LRP1B: variants seen among roughly 807,000 people sequenced by gnomAD.
LRP1B encodes LDL receptor related protein 1B.
LRP1B carries 217 observed loss-of-function variants against 556.6 expected under a neutral mutation model. The observed-to-expected ratio is 0.39, with a 90% CI of 0.35 to 0.44. LRP1B has a LOEUF of 0.44. Ranked by LOEUF, LRP1B falls within the 20% of genes least tolerant of loss-of-function variation. The probability of loss-of-function intolerance (pLI) is 1.00; values close to 1 mark genes in which losing one functional copy is unlikely to be tolerated. For missense variants in LRP1B, 5,053 were observed against 5,620.8 expected (o/e 0.90, Z 3.23); for synonymous variants, 2,047 against 1,865.8 (o/e 1.10, Z -2.50).
chr2:141,553,743 TAAA>T, intron 2 of LRP1B, among the ~76,000 whole-genome samples: 1 of 138,390 alleles, frequency 7.2e-6, no homozygotes, highest in African/African-American at 2.7e-5. Flanking sequence ...ATATTATATA[TAAA>T]ATATATAATA....
chr2:141,705,564 A>G (rs1193193124), intron 2 of LRP1B, among the ~76,000 whole-genome samples: 1 of 152,034 alleles, frequency 6.6e-6, no homozygotes, highest in Non-Finnish European at 1.5e-5. Context: ...TGTAAACATT[A>G]TTCTACGAAT....
In LRP1B at chr2:140,465,735, GA is replaced by G. The variant is rs543171568; in HGVS notation, c.9626-8085del. Among the ~76,000 whole-genome samples, 510 of 143,446 alleles carry G rather than the reference GA, an allele frequency of 3.6e-3. 3 individuals are homozygous for G. The highest frequency in any genetic ancestry group is 0.022 in the Middle Eastern group (6 of 276). 94.1% of individuals were successfully genotyped at this position (143,446 alleles called of 152,430 possible). A position where few individuals can be genotyped will look rare whatever the true frequency, so the allele number is the denominator to read the frequency against. On this transcript the variant is annotated intron_variant, in intron 60 of 90. Transcript: ENST00000389484. ...ATGACATTTGCAAAAAAAAAAAAAA[GA>G]AAAAAACTCCCTAAACATATATGCA... is the stretch of plus-strand genomic sequence containing the variant.
intron 2 of LRP1B, among the ~76,000 whole-genome samples, chr2:141,806,565 AGTCAACC>A (rs1264118225): frequency 6.6e-6 from 1 of 152,024 alleles, no homozygotes; most frequent in Admixed American, 6.6e-5. Context: ...CTTATTTGTA[AGTCAACC>A]TCACACAACA....
intron 1 of LRP1B, among the ~76,000 whole-genome samples, chr2:141,980,592 T>G (rs1264958871): frequency 6.6e-6 from 1 of 152,092 alleles, no homozygotes; most frequent in Non-Finnish European, 1.5e-5. Flanking sequence ...AAATGGGAAT[T>G]ATGAAATTCA....
chr2:140,892,655 T>C (rs72990118), intron 23 of LRP1B, among the ~76,000 whole-genome samples: 3,228 of 152,208 alleles, frequency 0.021, 111 homozygotes, highest in African/African-American at 0.073. Flanking sequence ...GTACATTCCA[T>C]GATTGTTACT....
At chr2:142,016,924 G>GTATGTATA (rs1034248842) in intron 1 of LRP1B, among the ~76,000 whole-genome samples, 14 of 72,198 alleles carry the variant, frequency 1.9e-4, no homozygotes, top group African/African-American at 3.0e-4. Context: ...ATATGTATAT[G>GTATGTATA]TATGTATATA....
chr2:140,531,215 T>C (rs2104985244), intron 47 of LRP1B, among the ~76,000 whole-genome samples: 1 of 152,264 alleles, frequency 6.6e-6, no homozygotes, highest in East Asian at 1.9e-4. Flanking sequence ...GCTCAGTTCC[T>C]GCACATTCTT....
chr2:140,692,215 G>T (rs563266019), intron 41 of LRP1B, among the ~76,000 whole-genome samples: 1 of 152,104 alleles, frequency 6.6e-6, no homozygotes, highest in African/African-American at 2.4e-5. Flanking sequence ...ATGTTGTATT[G>T]TTTACATAGT....
intron 68 of LRP1B, among the ~76,000 whole-genome samples, chr2:140,373,783 T>C (rs1370652033): frequency 6.6e-6 from 1 of 152,112 alleles, no homozygotes; most frequent in Non-Finnish European, 1.5e-5. Context: ...ATCCTGTCTC[T>C]AAACAATTTT....
At chr2:141,995,111 T>C (rs993198077) in intron 1 of LRP1B, among the ~76,000 whole-genome samples, 6 of 152,136 alleles carry the variant, frequency 3.9e-5, no homozygotes, top group African/African-American at 1.2e-4. Context: ...AGCATATTAG[T>C]TTTCTATTGC....
At chr2:142,093,927 G>A (rs1414178123) in intron 1 of LRP1B, among the ~76,000 whole-genome samples, 1 of 151,988 alleles carries the variant, frequency 6.6e-6, no homozygotes, top group Admixed American at 6.6e-5. Context: ...TAACAAAAAT[G>A]CCATAAAATG....
At chr2:141,603,049 T>C (rs1687805025) in intron 2 of LRP1B, among the ~76,000 whole-genome samples, 1 of 152,158 alleles carries the variant, frequency 6.6e-6, no homozygotes, top group African/African-American at 2.4e-5. Flanking sequence ...CTTTTCCTCA[T>C]AAAAGACACA....
At chr2:140,578,883 C>A (rs940671229) in intron 43 of LRP1B, among the ~76,000 whole-genome samples, 2 of 151,700 alleles carry the variant, frequency 1.3e-5, no homozygotes, top group Middle Eastern at 3.4e-3. Context: ...TATAATATAC[C>A]CTAAGGGCAA....
At chr2:142,083,823 A>G (rs1705808020) in intron 1 of LRP1B, among the ~76,000 whole-genome samples, 1 of 152,184 alleles carries the variant, frequency 6.6e-6, no homozygotes, top group African/African-American at 2.4e-5. Flanking sequence ...CACCTTTCCA[A>G]TTTAAATCTG....
In LRP1B at chr2:140,935,879, C is replaced by T. The variant is rs558690945; in HGVS notation, c.3137-12732G>A. On this transcript the variant is annotated intron_variant, in intron 20 of 90. Transcript: ENST00000389484. The stretch of plus-strand genomic sequence containing the variant: ...ATCCAAGTTTCTGGTGAGAAATCTG[C>T]TGATACACACACACACATATATATG... Among the ~76,000 whole-genome samples, 6 of 151,852 alleles carry T rather than the reference C, an allele frequency of 4.0e-5. No individual in the cohort carries two copies. In the East Asian group the frequency reaches 1.2e-3, roughly 30 times the overall value.
chr2:141,974,711 G>C (rs1249084944), intron 1 of LRP1B, among the ~76,000 whole-genome samples: 2 of 152,034 alleles, frequency 1.3e-5, no homozygotes, highest in Non-Finnish European at 2.9e-5. Context: ...AAATCAATCT[G>C]AATCAATATG....
intron 2 of LRP1B, among the ~76,000 whole-genome samples, chr2:141,505,406 C>A (rs570904188): frequency 6.6e-6 from 1 of 152,142 alleles, no homozygotes; most frequent in South Asian, 2.1e-4. Flanking sequence ...CTTCTGGCAT[C>A]CATTGCTGTA....
intron 3 of LRP1B, among the ~76,000 whole-genome samples, chr2:141,426,364 A>C (rs1044061100): frequency 6.6e-6 from 1 of 152,182 alleles, no homozygotes; most frequent in African/African-American, 2.4e-5. Context: ...TGATGCCTCC[A>C]GCTTTGTTCT....
chr2:141,865,905 C>A (rs1698397757), intron 1 of LRP1B, among the ~76,000 whole-genome samples: 1 of 152,210 alleles, frequency 6.6e-6, no homozygotes, highest in Non-Finnish European at 1.5e-5. Context: ...TGTCTCCCAA[C>A]AAAACATGTT....
Sources: gnomAD v4.1 joint callset for allele counts (sites outside exome capture counted in the v4.1 genomes callset) on GRCh38, gnomAD v4.1.1 for gene constraint, MANE v1.5 for transcripts, NCBI Gene and HGNC (gene_info 2026-07-23, HGNC 2026-07-21) for gene names.